Variants in NOS3 observed in about 807,000 individuals in gnomAD.
The protein encoded by NOS3 is nitric oxide synthase 3, also known as NOS type III.
Under a neutral mutation model 144.9 loss-of-function variants are expected in NOS3, and 98 were observed. That is an observed-to-expected ratio of 0.68 (90% confidence interval 0.57 to 0.80). The LOEUF is 0.80. NOS3 is among the 30% of genes least tolerant of loss of function. The pLI is 0.00. For synonymous variants in NOS3, 714 were observed against 702.4 expected (o/e 1.02, Z -0.26); for missense variants, 1,465 against 1,656.4 (o/e 0.88, Z 2.01).
chr7:150,993,732 G>C lies in NOS3; in HGVS notation c.-51-21G>C, dbSNP rs1403883150. ...CCCCCTCCCACTGCCCCCTCCTCTCGGTCCCCTCCCTCTTCCTAAGGAAAA... is the reference window on the plus strand; with the variant it reads ...CCCCCTCCCACTGCCCCCTCCTCTCCGTCCCCTCCCTCTTCCTAAGGAAAA... On this transcript the variant is annotated intron_variant, in intron 1 of 26. Coordinates refer to ENST00000297494, the MANE Select transcript of NOS3 (RefSeq NM_000603.5). This position sits in a 1 kb window ranked among gnomAD's most constrained non-coding sequence, Gnocchi z 4.0. 7.4e-6 allele frequency: 11 copies of C among 1,495,866 alleles called. No homozygotes were observed. The highest frequency in any genetic ancestry group is 9.9e-6 in the Non-Finnish European group (11 of 1,113,826). 92.7% of individuals were successfully genotyped at this position (1,495,866 alleles called of 1,614,324 possible). A position where few individuals can be genotyped will look rare whatever the true frequency, so the allele number is the denominator to read the frequency against.
Position 151,003,617 on chromosome 7 carries a change from A to G in NOS3, c.1752+1313A>G. Reference sequence around the variant, plus strand: ...GCATAGCACATTTTCACCACCCTGGAAAGTTCCCTCATCAGTTCCTCACGT... The same window carrying G: ...GCATAGCACATTTTCACCACCCTGGGAAGTTCCCTCATCAGTTCCTCACGT... On this transcript the variant is annotated intron_variant, in intron 14 of 26. Transcript: ENST00000297494. The surrounding 1 kb of genome is among the most constrained non-coding windows in gnomAD (Gnocchi z 4.1). 2 of 1,115,570 alleles carry G rather than the reference A, an allele frequency of 1.8e-6. No homozygotes were observed. The highest frequency in any genetic ancestry group is 2.6e-5 in the South Asian group (2 of 77,014). 69.1% of individuals were successfully genotyped at this position (1,115,570 alleles called of 1,614,324 possible). A position where few individuals can be genotyped will look rare whatever the true frequency, so the allele number is the denominator to read the frequency against.
chr7:151,006,205 C>T lies in NOS3; in HGVS notation c.1753-222C>T, dbSNP rs570631209. ...CTGGAAGGTTAACACCTGTCAATGGCGCATATGCCCGGAGGGAAGATGGGG... is the reference window on the plus strand; with the variant it reads ...CTGGAAGGTTAACACCTGTCAATGGTGCATATGCCCGGAGGGAAGATGGGG... On this transcript the variant is annotated intron_variant, in intron 14 of 26. Coordinates refer to ENST00000297494, the MANE Select transcript of NOS3 (RefSeq NM_000603.5). Among the ~76,000 whole-genome samples, 33 of 152,256 alleles carry T rather than the reference C, an allele frequency of 2.2e-4. 1 individual carries two copies. The highest frequency in any genetic ancestry group is 3.4e-3 in the Middle Eastern group (1 of 294).
In NOS3 at chr7:151,002,012, A is replaced by G. The variant is rs199666561; in HGVS notation, c.1647+47A>G. On this transcript the variant is annotated intron_variant, in intron 13 of 26. Transcript: ENST00000297494. This position sits in a 1 kb window ranked among gnomAD's most constrained non-coding sequence, Gnocchi z 4.1. ...CAGGGAGCTAGAAAGAGGGGGCTCT[A>G]TCAGCATCTTCAGGGGTGCCCTGGA... The G allele has an allele frequency of 9.1e-4, 1,457 of 1,607,606 alleles. 1 individual carries two copies. Among genetic ancestry groups the G allele is most frequent in the Admixed American group, 1.2e-3 (71 of 59,560 alleles).
chr7:151,001,766 G>A (rs570066770), intron 12 of NOS3, 55 bp from the exon 13 acceptor site: 243 of 1,608,672 alleles, frequency 1.5e-4, no homozygotes, highest in Non-Finnish European at 2.0e-4. Flanking sequence ...ACCCTTGCCT[G>A]GGGAGGCCCT....
chr7:151,000,666 G>A, intron 10 of NOS3, 67 bp downstream of exon 10: 1 of 1,054,802 alleles, frequency 9.5e-7, no homozygotes, highest in Non-Finnish European at 1.5e-6. Flanking sequence ...GGCGGGGGAT[G>A]GAGGAGAGGC....
Position 151,010,728 on chromosome 7 carries a change from C to A in NOS3, c.2817C>A (p.Tyr939Ter), listed in dbSNP as rs764405857. The A allele has an allele frequency of 6.2e-7, 1 of 1,613,446 alleles. No homozygotes were observed. Among genetic ancestry groups the A allele is most frequent in the Admixed American group, 1.7e-5 (1 of 59,978 alleles). ...AGCTGCCTCTGCTCCAGCCCCGGTACTACTCAGTCAGCTCGGCACCCAGCA... is the reference window on the plus strand; with the variant it reads ...AGCTGCCTCTGCTCCAGCCCCGGTAATACTCAGTCAGCTCGGCACCCAGCA... ...LTQLPLLQPR[Y>*]YSVSSAPSTH... Residue 939 changes from tyrosine (Y) to a stop codon, truncating the protein, a stop_gained, in exon 22 of 27, where the codon TAC becomes TAA. Coordinates refer to ENST00000297494, the MANE Select transcript of NOS3 (RefSeq NM_000603.5). LOFTEE classifies it high-confidence loss of function.
rs576742112 is a variant in NOS3, at chr7:150,998,288, C to G, written c.583-69C>G. 51 of 1,399,486 alleles carry G rather than the reference C, an allele frequency of 3.6e-5. 1 individual carries two copies. In the South Asian group the frequency reaches 5.9e-4, roughly 16 times the overall value. 86.7% of individuals were successfully genotyped at this position (1,399,486 alleles called of 1,614,324 possible). ...CCCTGCCTCCTCACCAGCAGCTCCT[C>G]TGGAGCTGATACTCAAGACCCCCCG... On this transcript the variant is annotated intron_variant, in intron 5 of 26. Transcript: ENST00000297494. The surrounding 1 kb of genome is among the most constrained non-coding windows in gnomAD (Gnocchi z 5.0).
At chr7:151,010,376 C>CAGGGGGGACTTTG in intron 21 of NOS3, 89 bp downstream of exon 21, 1 of 1,307,472 alleles carries the variant, frequency 7.6e-7, no homozygotes, top group Non-Finnish European at 1.1e-6. Flanking sequence ...ATGCAAAGTC[C>CAGGGGGGACTTTG]CCCCTGGACT....
rs958995034 is a variant in NOS3, at chr7:151,012,996, C to G, written c.3107-235C>G. On this transcript the variant is annotated intron_variant, in intron 24 of 26. Transcript: ENST00000297494. The stretch of plus-strand genomic sequence containing the variant: ...CTGAGTCCGAAGCCGCGCATTCTAG[C>G]GCAGCTCCACCAGGGGCCACCACCT... The G allele has an allele frequency of 5.5e-6, 3 of 546,296 alleles. No homozygotes were observed. In the Admixed American group the frequency reaches 1.1e-4, roughly 19 times the overall value. The allele number at this position is 546,296 out of a possible 1,614,324, so 33.8% of individuals were successfully genotyped here. A position where few individuals can be genotyped will look rare whatever the true frequency, so the allele number is the denominator to read the frequency against.
intron 14 of NOS3, chr7:151,004,038 A>T (rs1795168787): frequency 4.5e-6 from 1 of 220,492 alleles, no homozygotes; most frequent in Non-Finnish European, 9.1e-6. Flanking sequence ...TCACTTTTTT[A>T]AAAAATAAAA....
chr7:151,010,602 C>T lies in NOS3; in HGVS notation c.2691C>T (p.Pro897=). The change falls in exon 22 of 27, where the codon CCC becomes CCT. Residue 897 remains proline, a synonymous_variant. Transcript: ENST00000297494. ...ACTGCATCCTGCCCCGCCAGGATCCCCGACGCTACGAGGAGTGGAAGTGGT... is the reference window on the plus strand; with the variant it reads ...ACTGCATCCTGCCCCGCCAGGATCCTCGACGCTACGAGGAGTGGAAGTGGT... ...QQELEALSQD[P]RRYEEWKWFR... 6.3e-7 allele frequency: 1 copy of T among 1,587,898 alleles called. No homozygotes were observed. Among genetic ancestry groups the T allele is most frequent in the South Asian group, 1.1e-5 (1 of 87,284 alleles).
At chr7:151,007,321 G>T in intron 17 of NOS3, 45 bp downstream of exon 17, 1 of 1,524,264 alleles carries the variant, frequency 6.6e-7, no homozygotes, top group South Asian at 1.2e-5. Flanking sequence ...CCCCTGGGAT[G>T]CCTCCTCCTG....
Position 151,001,233 on chromosome 7 carries a change from A to G in NOS3, c.1236A>G (p.Leu412=), listed in dbSNP as rs2117116882. The change falls in exon 11 of 27, where the codon CTA becomes CTG. Residue 412 remains leucine (L), a splice_region_variant and synonymous_variant. Coordinates refer to ENST00000297494, the MANE Select transcript of NOS3 (RefSeq NM_000603.5). ...CTCCCCCTCTCTCTCCCTTCCAGCT[A>G]GCCAAAGTCACCATCGTGGACCACC... The part of the protein sequence containing the change: ...INVAVLHSYQ[L]AKVTIVDHHA... 6.2e-7 allele frequency: 1 copy of G among 1,613,020 alleles called. No individual in the cohort carries two copies. Among genetic ancestry groups the G allele is most frequent in the East Asian group, 2.2e-5 (1 of 44,870 alleles).
At position 151,009,264 on chromosome 7, in the gene NOS3, C is replaced by G. The variant is rs753925525; in HGVS notation, c.2321C>G (p.Ser774Cys). 1.2e-6 allele frequency: 2 copies of G among 1,612,482 alleles called. No homozygotes were observed. Among genetic ancestry groups the G allele is most frequent in the African/African-American group, 2.7e-5 (2 of 74,936 alleles). The change falls in exon 19 of 27, where the codon TCC becomes TGC. Residue 774 changes from serine to cysteine, a missense_variant. Around this residue, in one of 5 missense-constraint regions of NOS3, gnomAD observed 745 missense variants for 853.9 expected, o/e 0.87. Transcript: ENST00000297494. ...GTGGAAAACCTGCAAAGCAGCAAGT[C>G]CACGTGAGGACGACGGCTTTACCGC... ...RSVENLQSSK[S>C]TRATILVRLD...
Position 151,009,282 on chromosome 7 carries a change from T to C in NOS3, c.2324+15T>C. The C allele has an allele frequency of 6.2e-7, 1 of 1,606,676 alleles. No individual in the cohort carries two copies. Among genetic ancestry groups the C allele is most frequent in the East Asian group, 2.2e-5 (1 of 44,604 alleles). ...AGCAAGTCCACGTGAGGACGACGGC[T>C]TTACCGCCCCCCCACCCCTGTCCTG... On this transcript the variant is annotated intron_variant, in intron 19 of 26. Coordinates refer to ENST00000297494, the MANE Select transcript of NOS3 (RefSeq NM_000603.5).
intron 23 of NOS3, 140 bp from the exon 24 acceptor site, chr7:151,012,211 G>GTGTTTTT: frequency 1.4e-6 from 1 of 689,914 alleles, no homozygotes; most frequent in Non-Finnish European, 2.3e-6. Flanking sequence ...AAGTAGAGTT[G>GTGTTTTT]TTTTTTGTTT....
rs1802289610 is a variant in NOS3, at chr7:150,993,109, C to A, written c.-51-644C>A. Reference sequence around the variant, plus strand: ...AAGGCAGCTTCCTGCTCTTTTGTGTCCCCCACTTGAGTCATGGGGGTGTGG... The same window carrying A: ...AAGGCAGCTTCCTGCTCTTTTGTGTACCCCACTTGAGTCATGGGGGTGTGG... On this transcript the variant is annotated intron_variant, in intron 1 of 26. Transcript: ENST00000297494. This position sits in a 1 kb window ranked among gnomAD's most constrained non-coding sequence, Gnocchi z 4.0. Among the ~76,000 whole-genome samples the A allele has an allele frequency of 6.6e-6, 1 of 152,180 alleles. No homozygotes were observed. The highest frequency in any genetic ancestry group is 2.4e-5 in the African/African-American group (1 of 41,436).
chr7:150,991,782 G>T (rs1237484539), intron 1 of NOS3, among the ~76,000 whole-genome samples: 1 of 152,138 alleles, frequency 6.6e-6, no homozygotes, highest in African/African-American at 2.4e-5. Flanking sequence ...GATCACCTGA[G>T]GTCAGGAGTT....
chr7:151,013,167 T>C (rs1795343857), intron 24 of NOS3, 64 bp from the exon 25 acceptor site: 1 of 1,544,280 alleles, frequency 6.5e-7, no homozygotes. Context: ...CGGTGGCCTG[T>C]GGGGAGGCCC....
Sources: gnomAD v4.1 joint callset for allele counts (sites outside exome capture counted in the v4.1 genomes callset) on GRCh38, gnomAD v4.1.1 for gene constraint, gnomAD v4.1.1 regional missense constraint, Gnocchi (gnomAD v3.1) non-coding constraint, MANE v1.5 for transcripts, NCBI Gene and HGNC (gene_info 2026-07-23, HGNC 2026-07-21) for gene names.